Variants in FGF10 observed in about 807,000 individuals in gnomAD.
FGF10 encodes the protein FGF-10.
In FGF10, 2 loss-of-function variants were observed where a neutral mutation model predicts 19.8. The observed-to-expected ratio is 0.10, with a 90% CI of 0.04 to 0.32. The LOEUF is 0.32. FGF10 is among the 10% of genes least tolerant of loss of function. The pLI, the probability that FGF10 is intolerant of heterozygous loss-of-function variation, is 1.00. For synonymous variants in FGF10, 112 were observed against 94.0 expected (o/e 1.19, Z -1.10); for missense variants, 191 against 246.3 (o/e 0.78, Z 1.50).
At chr5:44,309,399 TC>T (rs1206471019) in intron 2 of FGF10, among the ~76,000 whole-genome samples, 1 of 152,136 alleles carries the variant, frequency 6.6e-6, no homozygotes, top group Non-Finnish European at 1.5e-5. Flanking sequence ...GAAACCTAGT[TC>T]CCAACTTTAT....
At chr5:44,360,236 AT>A (rs1741449494) in intron 1 of FGF10, among the ~76,000 whole-genome samples, 1 of 151,658 alleles carries the variant, frequency 6.6e-6, no homozygotes, top group Non-Finnish European at 1.5e-5. Context: ...AGAATCTTTA[AT>A]TAAAACAGGT....
intron 1 of FGF10, among the ~76,000 whole-genome samples, chr5:44,323,238 A>T (rs1425471674): frequency 1.3e-5 from 2 of 152,214 alleles, no homozygotes; most frequent in East Asian, 3.9e-4. Flanking sequence ...AGAAGAGAGC[A>T]TCACACATCA....
chr5:44,346,547 C>T (rs1192929511), intron 1 of FGF10, among the ~76,000 whole-genome samples: 3 of 151,812 alleles, frequency 2.0e-5, no homozygotes, highest in Non-Finnish European at 4.4e-5. Context: ...CATTCTCCAG[C>T]CCACTTGGCC....
At chr5:44,315,503 G>A (rs1740319001) in intron 1 of FGF10, among the ~76,000 whole-genome samples, 1 of 152,106 alleles carries the variant, frequency 6.6e-6, no homozygotes, top group South Asian at 2.1e-4. Context: ...AGTGGTAGTG[G>A]TGCTTTTCTG....
chr5:44,302,177 A>G lies in FGF10; in HGVS notation c.*2818T>C, dbSNP rs1298708867. Among the ~76,000 whole-genome samples, 1 of 151,842 alleles carries G rather than the reference A, an allele frequency of 6.6e-6. No individual in the cohort carries two copies. The highest frequency in any genetic ancestry group is 2.4e-5 in the African/African-American group (1 of 41,346). The stretch of plus-strand genomic sequence containing the variant: ...AGAATTCTATTTCCATTTCAAGCAA[A>G]TATGCCACTTTTAAATGCAAGAGAA... On this transcript the variant is annotated 3_prime_UTR_variant, in exon 3 of 3. Transcript: ENST00000264664.
intron 1 of FGF10, among the ~76,000 whole-genome samples, chr5:44,322,159 A>G (rs1740508794): frequency 6.6e-6 from 1 of 152,162 alleles, no homozygotes; most frequent in Non-Finnish European, 1.5e-5. Flanking sequence ...GATTTTTAGA[A>G]CAACAATCAC....
At chr5:44,365,350 C>CAA (rs3060085) in intron 1 of FGF10, among the ~76,000 whole-genome samples, 56,906 of 124,302 alleles carry the variant, frequency 0.46, 13,643 homozygotes, top group Non-Finnish European at 0.57. Flanking sequence ...AAATAATTTG[C>CAA]AAAAAAAAAA....
intron 1 of FGF10, among the ~76,000 whole-genome samples, chr5:44,347,769 T>C (rs924054669): frequency 4.0e-5 from 6 of 151,756 alleles, no homozygotes; most frequent in African/African-American, 1.4e-4. Flanking sequence ...ACTCATCTCA[T>C]GCCCTTATAG....
intron 1 of FGF10, among the ~76,000 whole-genome samples, chr5:44,331,558 T>C (rs1173919456): frequency 6.6e-6 from 1 of 152,128 alleles, no homozygotes; most frequent in Non-Finnish European, 1.5e-5. Flanking sequence ...CTTTAAAAGG[T>C]CATTTTAAAG....
chr5:44,360,492 G>A (rs570832574), intron 1 of FGF10, among the ~76,000 whole-genome samples: 2 of 151,606 alleles, frequency 1.3e-5, no homozygotes, highest in African/African-American at 2.4e-5. Context: ...TTTAAGTCAA[G>A]GCCATCACTT....
At chr5:44,341,200 C>T (rs1740961332) in intron 1 of FGF10, among the ~76,000 whole-genome samples, 1 of 151,824 alleles carries the variant, frequency 6.6e-6, no homozygotes. Context: ...CAATGGAAAA[C>T]ATTATGCTTG....
At chr5:44,371,566 G>C (rs1310105460) in intron 1 of FGF10, among the ~76,000 whole-genome samples, 1 of 152,028 alleles carries the variant, frequency 6.6e-6, no homozygotes, top group Non-Finnish European at 1.5e-5. Context: ...CAGGTTAATG[G>C]AAACCCTTTA....
chr5:44,367,001 A>C (rs1271471929), intron 1 of FGF10, among the ~76,000 whole-genome samples: 1 of 152,074 alleles, frequency 6.6e-6, no homozygotes, highest in African/African-American at 2.4e-5. Context: ...GCAGTTTGGC[A>C]TCAAGACAAA....
intron 1 of FGF10, among the ~76,000 whole-genome samples, chr5:44,360,845 G>A (rs1273900661): frequency 6.6e-6 from 1 of 151,622 alleles, no homozygotes; most frequent in African/African-American, 2.4e-5. Flanking sequence ...GAATAATTGT[G>A]AAAGAATATT....
chr5:44,331,728 A>C (rs187059514), intron 1 of FGF10, among the ~76,000 whole-genome samples: 6 of 152,070 alleles, frequency 3.9e-5, no homozygotes, highest in Admixed American at 3.9e-4. Flanking sequence ...CCCATTTTGC[A>C]TGCAAAATAC....
At chr5:44,353,875 G>A (rs1741288302) in intron 1 of FGF10, among the ~76,000 whole-genome samples, 1 of 151,398 alleles carries the variant, frequency 6.6e-6, no homozygotes, top group Admixed American at 6.6e-5. Flanking sequence ...TATCCAGCCA[G>A]CTAACATGCT....
At chr5:44,374,020 A>G (rs934356364) in intron 1 of FGF10, among the ~76,000 whole-genome samples, 11 of 152,054 alleles carry the variant, frequency 7.2e-5, no homozygotes, top group Non-Finnish European at 1.6e-4. Context: ...TATTCTCTCA[A>G]TGTTCTGGGG....
intron 1 of FGF10, among the ~76,000 whole-genome samples, chr5:44,340,904 AAAAG>A (rs943568459): frequency 6.6e-6 from 1 of 151,864 alleles, no homozygotes; most frequent in African/African-American, 2.4e-5. Context: ...GAGACAAAAC[AAAAG>A]AAAGAAAGAA....
intron 1 of FGF10, among the ~76,000 whole-genome samples, chr5:44,369,474 AAAG>A (rs566512357): frequency 9.2e-5 from 14 of 152,256 alleles, no homozygotes; most frequent in East Asian, 5.8e-4. Flanking sequence ...GTGGCTTAAA[AAAG>A]AAGAAGGGAA....
Sources: allele counts gnomAD v4.1 joint callset (sites outside exome capture counted in the v4.1 genomes callset), GRCh38; gene constraint gnomAD v4.1.1; transcripts MANE v1.5; gene names NCBI Gene and HGNC (gene_info 2026-07-23, HGNC 2026-07-21).